The following CRAMP1 variants were observed in gnomAD, a reference collection of about 807,000 sequenced individuals.
CRAMP1 encodes the protein protein cramped-like.
CRAMP1 carries 50 observed loss-of-function variants against 115.4 expected under a neutral mutation model. The ratio of observed to expected loss-of-function variants is 0.43; its 90% CI spans 0.35 to 0.55. CRAMP1 has a LOEUF of 0.55. CRAMP1 is among the 20% of genes least tolerant of loss of function. CRAMP1 has a pLI of 0.01. For missense variants in CRAMP1, 1,679 were observed against 1,721.7 expected, an observed-to-expected ratio of 0.98 and a Z score of 0.44; for synonymous variants, 866 against 745.4, an observed-to-expected ratio of 1.16 and a Z score of -2.64.
chr16:1,623,142 C>A (rs546635061), intron 2 of CRAMP1, among the ~76,000 whole-genome samples: 9 of 152,232 alleles, frequency 5.9e-5, no homozygotes, highest in Non-Finnish European at 2.9e-5. Context: ...GGCCTGCCTT[C>A]TTTTCTGAAT....
At chr16:1,636,251 A>G (rs1444606219) in intron 4 of CRAMP1, among the ~76,000 whole-genome samples, 1 of 152,144 alleles carries the variant, frequency 6.6e-6, no homozygotes, top group Non-Finnish European at 1.5e-5. Context: ...CATGCCTGTA[A>G]TCCCAGCTAC....
intron 4 of CRAMP1, among the ~76,000 whole-genome samples, chr16:1,635,317 C>T (rs1279779953): frequency 6.6e-6 from 1 of 152,222 alleles, no homozygotes; most frequent in Non-Finnish European, 1.5e-5. Flanking sequence ...GACTCCGCCC[C>T]CAGCTTGGGG....
intron 1 of CRAMP1, among the ~76,000 whole-genome samples, chr16:1,613,517 C>G (rs945736913): frequency 1.3e-5 from 2 of 152,212 alleles, no homozygotes; most frequent in Non-Finnish European, 2.9e-5. Context: ...GGAATCTAAT[C>G]TTCAGCGTTT....
At position 1,656,712 on chromosome 16, in the gene CRAMP1, C is replaced by G. The variant is rs1335880575; in HGVS notation, c.1955C>G (p.Ser652Cys). ...EKGSPAGPPP[S>C]QGQPAARPPK... is the part of the protein sequence containing the mutation. ...GGGAGCCCCGCGGGGCCTCCGCCGT[C>G]TCAGGGACAGCCTGCCGCCAGGCCC... Residue 652 changes from serine to cysteine, a missense_variant, in exon 10 of 21, where the codon TCT becomes TGT. By Grantham distance (112) the Ser-to-Cys change is moderately radical. Coordinates refer to ENST00000397412, the MANE Select transcript of CRAMP1 (RefSeq NM_020825.4). The surrounding 1 kb of genome is among the most constrained non-coding windows in gnomAD (Gnocchi z 5.6). The G allele has an allele frequency of 6.4e-7, 1 of 1,554,766 alleles. No individual in the cohort carries two copies. The highest frequency in any genetic ancestry group is 1.9e-5 in the Admixed American group (1 of 51,436).
intron 6 of CRAMP1, among the ~76,000 whole-genome samples, chr16:1,648,899 A>T (rs1441509499): frequency 2.0e-5 from 3 of 152,058 alleles, no homozygotes; most frequent in Middle Eastern, 3.4e-3. Flanking sequence ...TCCACTAAAA[A>T]TACAAAAAAA....
At chr16:1,621,411 T>G (rs535869514) in intron 2 of CRAMP1, among the ~76,000 whole-genome samples, 38 of 152,240 alleles carry the variant, frequency 2.5e-4, no homozygotes, top group Non-Finnish European at 3.7e-4. Context: ...CTGTTGAAAT[T>G]GTCTTACTTG....
At position 1,656,729 on chromosome 16, in the gene CRAMP1, G is replaced by T; in HGVS notation, c.1972G>T (p.Ala658Ser). 1.3e-6 allele frequency: 2 copies of T among 1,551,680 alleles called. No homozygotes were observed. The highest frequency in any genetic ancestry group is 1.7e-6 in the Non-Finnish European group (2 of 1,147,862). Residue 658 changes from alanine to serine, a missense_variant, in exon 10 of 21, where the codon GCC becomes TCC. By Grantham distance (99) the Ala-to-Ser change is moderately conservative (BLOSUM62 1). Coordinates refer to ENST00000397412, the MANE Select transcript of CRAMP1 (RefSeq NM_020825.4). The surrounding 1 kb of genome is among the most constrained non-coding windows in gnomAD (Gnocchi z 5.6). ...GPPPSQGQPAARPPKEVPASR... is the reference protein window; with the variant it reads ...GPPPSQGQPASRPPKEVPASR... ...TCCGCCGTCTCAGGGACAGCCTGCC[G>T]CCAGGCCCCCGAAGGAGGTCCCCGC...
Position 1,670,766 on chromosome 16 carries a change from C to G in CRAMP1, c.3602C>G (p.Ser1201Trp). 1 of 1,613,994 alleles carries G rather than the reference C, an allele frequency of 6.2e-7. No homozygotes were observed. The highest frequency in any genetic ancestry group is 8.5e-7 in the Non-Finnish European group (1 of 1,179,892). ...GGCCCCAGCTTGTTGGATGGAAACT[C>G]GCGGGACTCATTTGTGTCCAGGTCC... ...LLGPSLLDGN[S>W]RDSFVSRSLA... Residue 1201 changes from serine (S) to tryptophan (W), a missense_variant, in exon 20 of 21, where the codon TCG becomes TGG. Around this residue, in one of 8 missense-constraint regions of CRAMP1, gnomAD observed 709 missense variants for 741.9 expected, o/e 0.96. Coordinates refer to ENST00000397412, the MANE Select transcript of CRAMP1 (RefSeq NM_020825.4).
In CRAMP1 at chr16:1,653,122, C is replaced by T. The variant is rs1312581911; in HGVS notation, c.1003C>T (p.Arg335Cys). ...LQPRNNHAWA[R>C]VQSLAQNPRL... is the part of the protein sequence containing the mutation. Reference sequence around the variant, plus strand: ...GCCGCGGAACAACCACGCCTGGGCCCGTGTGCAGAGCCTTGCCCAGAACCC... The same window carrying T: ...GCCGCGGAACAACCACGCCTGGGCCTGTGTGCAGAGCCTTGCCCAGAACCC... The change falls in exon 8 of 21, where the codon CGT (arginine) becomes TGT (cysteine). Residue 335 changes from arginine (R) to cysteine (C), a missense_variant. By Grantham distance (180) the Arg-to-Cys change is radical. Coordinates refer to ENST00000397412, the MANE Select transcript of CRAMP1 (RefSeq NM_020825.4). The T allele has an allele frequency of 6.2e-7, 1 of 1,610,948 alleles. No individual in the cohort carries two copies. The highest frequency in any genetic ancestry group is 8.5e-7 in the Non-Finnish European group (1 of 1,178,600).
In CRAMP1 at chr16:1,671,887, T is replaced by TA. The variant is rs1567464142; in HGVS notation, c.3645+1079dup. Among the ~76,000 whole-genome samples, 2 of 152,220 alleles carry TA rather than the reference T, an allele frequency of 1.3e-5. No homozygotes were observed. Among genetic ancestry groups the TA allele is most frequent in the Admixed American group, 1.3e-4 (2 of 15,280 alleles). On this transcript the variant is annotated intron_variant, in intron 20 of 20. Coordinates refer to ENST00000397412, the MANE Select transcript of CRAMP1 (RefSeq NM_020825.4). The surrounding 1 kb of genome is among the most constrained non-coding windows in gnomAD (Gnocchi z 5.0). ...TATGACTGGAAATTTTAGCCAAATA[T>TA]ACACATAGACACAATTAATAGCGTA...
intron 4 of CRAMP1, among the ~76,000 whole-genome samples, chr16:1,634,702 C>G (rs1339498958): frequency 6.6e-6 from 1 of 152,202 alleles, no homozygotes; most frequent in Admixed American, 6.5e-5. Context: ...CCCTGACTGT[C>G]TCTTCAGCAG....
chr16:1,645,174 C>T (rs1232809154), intron 6 of CRAMP1, among the ~76,000 whole-genome samples: 1 of 151,864 alleles, frequency 6.6e-6, no homozygotes, highest in African/African-American at 2.4e-5. Context: ...ATTATTAACA[C>T]TTCGTTGGTT....
chr16:1,622,719 A>T (rs969165112), intron 2 of CRAMP1, among the ~76,000 whole-genome samples: 16 of 150,256 alleles, frequency 1.1e-4, no homozygotes, highest in African/African-American at 3.9e-4. Context: ...AGTAGCTGGG[A>T]CTGCAGGTGT....
In CRAMP1 at chr16:1,626,038, G is replaced by T; in HGVS notation, c.412G>T (p.Gly138Cys). Residue 138 changes from glycine to cysteine, a missense_variant, in exon 3 of 21, where the codon GGC (glycine) becomes TGC (cysteine). Physicochemically the swap from Gly to Cys is radical, Grantham distance 159. Around this residue, in one of 8 missense-constraint regions of CRAMP1, gnomAD observed 264 missense variants for 229.7 expected, o/e 1.15. Coordinates refer to ENST00000397412, the MANE Select transcript of CRAMP1 (RefSeq NM_020825.4). ...SGVAPAAPAG[G>C]SRSSSRNLGS... ...GGTTGCCCCTGCTGCCCCTGCAGGG[G>T]GCTCGCGCTCCTCCTCCCGGAACTT... The T allele has an allele frequency of 1.3e-6, 2 of 1,551,628 alleles. No homozygotes were observed. The highest frequency in any genetic ancestry group is 1.4e-5 in the African/African-American group (1 of 73,164).
In CRAMP1 at chr16:1,673,332, C is replaced by T. The variant is rs543844123; in HGVS notation, c.3646-549C>T. ...GACAGGAACGTGTCCCCCACCTGTC[C>T]TCATGTCTGTGACGGGAACGTGTCC... On this transcript the variant is annotated intron_variant, in intron 20 of 20. Transcript: ENST00000397412. Among the ~76,000 whole-genome samples the T allele has an allele frequency of 3.9e-3, 596 of 151,716 alleles. 5 individuals carry two copies. The highest frequency in any genetic ancestry group is 3.5e-3 in the Non-Finnish European group (239 of 67,886).
chr16:1,646,329 CAA>C (rs1360692208), intron 6 of CRAMP1, among the ~76,000 whole-genome samples: 1 of 152,082 alleles, frequency 6.6e-6, no homozygotes, highest in East Asian at 1.9e-4. Flanking sequence ...CAGACTCTTC[CAA>C]GAGAGTTGCA....
intron 14 of CRAMP1, among the ~76,000 whole-genome samples, chr16:1,665,378 C>T (rs1332760884): frequency 6.6e-6 from 1 of 152,150 alleles, no homozygotes; most frequent in East Asian, 1.9e-4. Context: ...CTCAGATGGC[C>T]CTGTGTGAGG....
chr16:1,644,703 CAGAGCTG>C (rs1278089893), intron 6 of CRAMP1, among the ~76,000 whole-genome samples: 4 of 152,128 alleles, frequency 2.6e-5, no homozygotes, highest in Non-Finnish European at 4.4e-5. Context: ...AGGAAGAGTG[CAGAGCTG>C]AGGCTGGAGG....
rs753590995 is a variant in CRAMP1, at chr16:1,632,379, G to A, written c.694+14G>A. 14 of 1,578,170 alleles carry A rather than the reference G, an allele frequency of 8.9e-6. No individual in the cohort carries two copies. Among genetic ancestry groups the A allele is most frequent in the Admixed American group, 3.7e-5 (2 of 54,056 alleles). On this transcript the variant is annotated intron_variant, in intron 4 of 20. Coordinates refer to ENST00000397412, the MANE Select transcript of CRAMP1 (RefSeq NM_020825.4). ...ACTTTGATCATGGTGAGTGTGCCAC[G>A]GGCCAGGCTCGGGGGTGCCCACAGG...
Sources: allele counts gnomAD v4.1 joint callset (sites outside exome capture counted in the v4.1 genomes callset), GRCh38; gene constraint gnomAD v4.1.1; regional missense constraint gnomAD v4.1.1; non-coding constraint Gnocchi (gnomAD v3.1); transcripts MANE v1.5; gene names NCBI Gene and HGNC (gene_info 2026-07-23, HGNC 2026-07-21).